Variants in ADGRG7 observed in about 807,000 individuals in gnomAD.
ADGRG7 encodes G-protein coupled receptor 128.
A neutral mutation model predicts 88.6 loss-of-function variants in ADGRG7; 82 were observed. The ratio of observed to expected loss-of-function variants is 0.93; its 90% CI spans 0.77 to 1.11. The LOEUF (loss-of-function observed/expected upper bound fraction) is 1.11. ADGRG7 is among the 50% of genes most tolerant of loss of function. The probability of loss-of-function intolerance (pLI) is 0.00; values close to 1 mark genes in which losing one functional copy is unlikely to be tolerated. For missense variants in ADGRG7, 945 were observed against 953.4 expected, an observed-to-expected ratio of 0.99 and a Z score of 0.12; for synonymous variants, 381 against 345.2, an observed-to-expected ratio of 1.10 and a Z score of -1.15.
At chr3:100,656,802 C>G (rs1305596218) in intron 13 of ADGRG7, among the ~76,000 whole-genome samples, 1 of 151,916 alleles carries the variant, frequency 6.6e-6, no homozygotes, top group Non-Finnish European at 1.5e-5. Flanking sequence ...ACTCCTCTTT[C>G]CCAGGGCTGA....
intron 1 of ADGRG7, among the ~76,000 whole-genome samples, chr3:100,610,634 T>C (rs1457587903): frequency 6.6e-6 from 1 of 152,096 alleles, no homozygotes; most frequent in Non-Finnish European, 1.5e-5. Flanking sequence ...ACAATGATGT[T>C]AAAGAAAAGC....
chr3:100,685,546 C>T (rs575908994), intron 15 of ADGRG7, among the ~76,000 whole-genome samples: 2 of 152,098 alleles, frequency 1.3e-5, no homozygotes, highest in South Asian at 4.1e-4. Context: ...CACAACAGTC[C>T]CTGGTGTGTG....
At chr3:100,675,720 G>A (rs954879397) in intron 15 of ADGRG7, among the ~76,000 whole-genome samples, 3 of 152,096 alleles carry the variant, frequency 2.0e-5, no homozygotes, top group African/African-American at 7.2e-5. Context: ...AAATTCAGCA[G>A]TGAAACCACA....
intron 15 of ADGRG7, among the ~76,000 whole-genome samples, chr3:100,689,700 G>A (rs1048332493): frequency 3.3e-5 from 5 of 152,118 alleles, no homozygotes; most frequent in African/African-American, 1.2e-4. Context: ...TTGAATATTG[G>A]CCCCCACTCT....
At chr3:100,650,263 A>G (rs2094927034) in intron 11 of ADGRG7, among the ~76,000 whole-genome samples, 1 of 152,206 alleles carries the variant, frequency 6.6e-6, no homozygotes, top group Non-Finnish European at 1.5e-5. Context: ...CATACATTAA[A>G]TTCTAATTTT....
At chr3:100,673,997 T>G (rs1328635467) in intron 15 of ADGRG7, among the ~76,000 whole-genome samples, 1 of 152,256 alleles carries the variant, frequency 6.6e-6, no homozygotes, top group African/African-American at 2.4e-5. Context: ...ATCTTAGATC[T>G]TTCCTGCTTT....
intron 15 of ADGRG7, among the ~76,000 whole-genome samples, chr3:100,693,768 C>T (rs2094997727): frequency 6.6e-6 from 1 of 152,114 alleles, no homozygotes; most frequent in South Asian, 2.1e-4. Context: ...CTTATACAGC[C>T]ATAGTATACT....
At chr3:100,628,440 C>T (rs779086591) in intron 1 of ADGRG7, among the ~76,000 whole-genome samples, 2 of 151,606 alleles carry the variant, frequency 1.3e-5, no homozygotes, top group African/African-American at 2.4e-5. Flanking sequence ...CTCACTGCAA[C>T]CTCCGCCTCC....
intron 15 of ADGRG7, among the ~76,000 whole-genome samples, chr3:100,693,372 T>C (rs1376144131): frequency 6.6e-6 from 1 of 152,218 alleles, no homozygotes; most frequent in African/African-American, 2.4e-5. Context: ...ACTCCTGTCC[T>C]TCTGAAACCT....
At chr3:100,610,030 T>C (rs1029397074) in intron 1 of ADGRG7, 59 bp downstream of exon 1, 12 of 1,322,988 alleles carry the variant, frequency 9.1e-6, no homozygotes, top group Non-Finnish European at 1.3e-5. Flanking sequence ...CCTCTGTCCC[T>C]GCCACCTGGT....
At chr3:100,654,723 T>G in intron 11 of ADGRG7, 112 bp from the exon 12 acceptor site, 5 of 655,380 alleles carry the variant, frequency 7.6e-6, no homozygotes, top group Non-Finnish European at 1.0e-5. Context: ...GGCTATGAAC[T>G]GAACTTACAT....
rs184866165 is a variant in ADGRG7, at chr3:100,651,695, T to A, written c.1379+1888T>A. The stretch of plus-strand genomic sequence containing the variant: ...CACATCTCAAACAAATTTTTTTTTT[T>A]AAAGAGAGAAAAAACAAAACAAAAA... On this transcript the variant is annotated intron_variant, in intron 11 of 15. Coordinates refer to ENST00000273352, the MANE Select transcript of ADGRG7 (RefSeq NM_032787.3). Among the ~76,000 whole-genome samples the A allele has an allele frequency of 3.5e-3, 527 of 151,838 alleles. 5 individuals carry two copies. Among genetic ancestry groups the A allele is most frequent in the Non-Finnish European group, 5.2e-3 (350 of 67,944 alleles).
chr3:100,643,478 C>T, intron 7 of ADGRG7, 48 bp from the exon 8 acceptor site: 1 of 1,605,852 alleles, frequency 6.2e-7, no homozygotes, highest in Non-Finnish European at 8.5e-7. Flanking sequence ...TAATGCTCTA[C>T]TCATGATAAT....
intron 1 of ADGRG7, among the ~76,000 whole-genome samples, chr3:100,613,801 G>A (rs927605944): frequency 2.6e-5 from 4 of 152,038 alleles, no homozygotes; most frequent in African/African-American, 4.8e-5. Context: ...AAACGTTGAC[G>A]ATCTAACATG....
At chr3:100,611,153 A>T (rs529463625) in intron 1 of ADGRG7, among the ~76,000 whole-genome samples, 1 of 152,372 alleles carries the variant, frequency 6.6e-6, no homozygotes, top group Non-Finnish European at 1.5e-5. Flanking sequence ...AGGTTAAAAA[A>T]TTATGAACTA....
In ADGRG7 at chr3:100,694,937, A is replaced by T. The variant is rs2149046097; in HGVS notation, c.2330A>T (p.Glu777Val). 1 of 1,614,188 alleles carries T rather than the reference A, an allele frequency of 6.2e-7. No individual in the cohort carries two copies. The highest frequency in any genetic ancestry group is 8.5e-7 in the Non-Finnish European group (1 of 1,180,014). ...PTLHERFRLL[E>V]TSPSTEEITL... is the part of the protein sequence containing the mutation. ...TTACATGAACGCTTTAGGCTACTGG[A>T]AACCTCTCCGAGTACTGAGGAAATC... Residue 777 changes from glutamate (E) to valine (V), a missense_variant, in exon 16 of 16, where the codon GAA becomes GTA. Glu to Val is a moderately radical substitution (Grantham distance 121). Transcript: ENST00000273352.
At chr3:100,684,373 C>G (rs946195438) in intron 15 of ADGRG7, among the ~76,000 whole-genome samples, 35 of 151,974 alleles carry the variant, frequency 2.3e-4, no homozygotes, top group Non-Finnish European at 5.1e-4. Flanking sequence ...AATTGATCCC[C>G]CCACCTCAAC....
At chr3:100,610,079 T>TG in intron 1 of ADGRG7, 108 bp downstream of exon 1, 1 of 832,034 alleles carries the variant, frequency 1.2e-6, no homozygotes, top group Non-Finnish European at 2.0e-6. Context: ...GTCTGAGGCA[T>TG]TCCACCAAGG....
In ADGRG7 at chr3:100,692,949, C is replaced by T. The variant is rs186069759; in HGVS notation, c.2137-1795C>T. 9.2e-5 allele frequency among the ~76,000 whole-genome samples: 14 copies of T among 152,264 alleles called. No individual in the cohort carries two copies. The East Asian group carries it at 2.7e-3, about 29-fold the overall frequency. On this transcript the variant is annotated intron_variant, in intron 15 of 15. Transcript: ENST00000273352. ...GTAGGAATATCTAGATTTGTTTACA[C>T]GTGAAACTTCTAGATTTAGAATACT... is the stretch of plus-strand genomic sequence containing the variant.
Sources: allele counts gnomAD v4.1 joint callset (sites outside exome capture counted in the v4.1 genomes callset), GRCh38; gene constraint gnomAD v4.1.1; transcripts MANE v1.5; gene names NCBI Gene and HGNC (gene_info 2026-07-23, HGNC 2026-07-21).